Variants in NALF1 observed in about 807,000 individuals in gnomAD.
The protein encoded by NALF1 is family with sequence similarity 155 member A.
Under a neutral mutation model 48.4 loss-of-function variants are expected in NALF1, and 3 were observed. The observed-to-expected ratio is 0.06, with a 90% CI of 0.03 to 0.16. The LOEUF is 0.16. NALF1 is among the 10% of genes least tolerant of loss of function. The pLI is 1.00. For synonymous variants in NALF1, 262 were observed against 245.7 expected (o/e 1.07, Z -0.62); for missense variants, 526 against 571.5 (o/e 0.92, Z 0.81).
At position 107,815,162 on chromosome 13, in the gene NALF1, C is replaced by T. The variant is rs1306082088; in HGVS notation, c.915+50520G>A. On this transcript the variant is annotated intron_variant, in intron 1 of 2. Transcript: ENST00000375915. ...AATAAAAAAAAGATACATTTGATTT[C>T]ATCAAAATTAAAAACTTTTGTACTT... Among the ~76,000 whole-genome samples the T allele has an allele frequency of 6.6e-5, 10 of 152,048 alleles. No individual in the cohort carries two copies. In the South Asian group the frequency reaches 2.1e-3, roughly 31 times the overall value.
chr13:107,185,815 CA>C (rs1879159059), intron 2 of NALF1, among the ~76,000 whole-genome samples: 1 of 152,120 alleles, frequency 6.6e-6, no homozygotes, highest in Non-Finnish European at 1.5e-5. Context: ...TCACTATAAG[CA>C]GCAAGAATCA....
chr13:107,505,589 G>A (rs1353856492), intron 1 of NALF1, among the ~76,000 whole-genome samples: 1 of 152,136 alleles, frequency 6.6e-6, no homozygotes, highest in Non-Finnish European at 1.5e-5. Context: ...TGCAATGCGT[G>A]GCCTGACAAC....
At chr13:107,665,151 CA>C (rs1183540193) in intron 1 of NALF1, among the ~76,000 whole-genome samples, 1 of 152,036 alleles carries the variant, frequency 6.6e-6, no homozygotes, top group Non-Finnish European at 1.5e-5. Flanking sequence ...TGTCTGTACT[CA>C]AGATTAATTT....
chr13:107,481,321 T>C (rs914621600), intron 1 of NALF1, among the ~76,000 whole-genome samples: 1 of 152,192 alleles, frequency 6.6e-6, no homozygotes, highest in African/African-American at 2.4e-5. Flanking sequence ...ATAAATGACA[T>C]ACTATCTTGA....
At chr13:107,442,260 A>C (rs16970116) in intron 1 of NALF1, among the ~76,000 whole-genome samples, 1 of 152,224 alleles carries the variant, frequency 6.6e-6, no homozygotes, top group Non-Finnish European at 1.5e-5. Context: ...TTTAGGTCTC[A>C]GTAAGAACAA....
intron 1 of NALF1, among the ~76,000 whole-genome samples, chr13:107,287,720 T>C: frequency 6.7e-6 from 1 of 150,070 alleles, no homozygotes; most frequent in Non-Finnish European, 1.5e-5. Flanking sequence ...TTTTTTTTTT[T>C]TTTGAGACAG....
chr13:107,779,934 T>C (rs959475406), intron 1 of NALF1, among the ~76,000 whole-genome samples: 6 of 152,186 alleles, frequency 3.9e-5, no homozygotes, highest in Admixed American at 1.3e-4. Flanking sequence ...TCTTAAGCCA[T>C]TTGGAAAACA....
At position 107,163,969 on chromosome 13, in the gene NALF1, T is replaced by C. The variant is rs1405145702; in HGVS notation, c.*6528A>G. 1 of 152,198 alleles carries C rather than the reference T, an allele frequency of 6.6e-6. No individual in the cohort carries two copies. The highest frequency in any genetic ancestry group is 1.5e-5 in the Non-Finnish European group (1 of 68,028). 9.4% of individuals were successfully genotyped at this position (152,198 alleles called of 1,614,324 possible). The stretch of plus-strand genomic sequence containing the variant: ...TTTAACTTTTGCTGTAGTTTATATT[T>C]CCTATTGTTTTATCCATTTTGCAGT... On this transcript the variant is annotated 3_prime_UTR_variant, in exon 3 of 3. Transcript: ENST00000375915.
intron 1 of NALF1, among the ~76,000 whole-genome samples, chr13:107,470,111 T>C (rs1246073547): frequency 6.6e-6 from 1 of 152,150 alleles, no homozygotes; most frequent in Non-Finnish European, 1.5e-5. Context: ...ATATTTATAA[T>C]TGAATCTCAC....
chr13:107,253,699 TCCAG>T (rs1179931340), intron 1 of NALF1, among the ~76,000 whole-genome samples: 1 of 152,208 alleles, frequency 6.6e-6, no homozygotes, highest in African/African-American at 2.4e-5. Context: ...TATTTGTTTC[TCCAG>T]CCACACGGGT....
chr13:107,474,270 C>A (rs1434831368), intron 1 of NALF1, among the ~76,000 whole-genome samples: 1 of 152,098 alleles, frequency 6.6e-6, no homozygotes, highest in African/African-American at 2.4e-5. Flanking sequence ...ATGTTACAGC[C>A]AAATACTAAA....
intron 1 of NALF1, among the ~76,000 whole-genome samples, chr13:107,658,705 G>A (rs1349649701): frequency 2.0e-5 from 3 of 151,676 alleles, no homozygotes; most frequent in Non-Finnish European, 2.9e-5. Flanking sequence ...CCTCACTCCC[G>A]CTCCACTATT....
intron 1 of NALF1, among the ~76,000 whole-genome samples, chr13:107,770,993 G>A (rs894394889): frequency 6.6e-6 from 1 of 152,126 alleles, no homozygotes; most frequent in African/African-American, 2.4e-5. Context: ...GAGCCTGGGT[G>A]TAGCTCCTTA....
intron 1 of NALF1, among the ~76,000 whole-genome samples, chr13:107,449,859 CAG>C (rs778747846): frequency 2.0e-5 from 3 of 152,106 alleles, no homozygotes; most frequent in African/African-American, 4.8e-5. Flanking sequence ...GTTAAGGAAA[CAG>C]AGTCACACAG....
At chr13:107,462,732 C>CA (rs1346902225) in intron 1 of NALF1, among the ~76,000 whole-genome samples, 1 of 152,198 alleles carries the variant, frequency 6.6e-6, no homozygotes, top group African/African-American at 2.4e-5. Context: ...GGTGAGCTTC[C>CA]TTGGCAGCTA....
intron 1 of NALF1, among the ~76,000 whole-genome samples, chr13:107,340,285 T>C (rs2138933418): frequency 6.6e-6 from 1 of 151,552 alleles, no homozygotes; most frequent in Non-Finnish European, 1.5e-5. Context: ...AGATTACAGG[T>C]GCCCACCAAC....
chr13:107,336,484 T>C (rs1882559504), intron 1 of NALF1, among the ~76,000 whole-genome samples: 1 of 152,118 alleles, frequency 6.6e-6, no homozygotes, highest in African/African-American at 2.4e-5. Flanking sequence ...CTATATTTAT[T>C]TGTTGATTGC....
intron 1 of NALF1, among the ~76,000 whole-genome samples, chr13:107,231,820 C>T (rs944978650): frequency 1.3e-5 from 2 of 152,160 alleles, no homozygotes; most frequent in African/African-American, 4.8e-5. Flanking sequence ...ATGCTAGTTG[C>T]CCTTTAGAAA....
chr13:107,365,847 G>A (rs540679995), intron 1 of NALF1, among the ~76,000 whole-genome samples: 5 of 152,184 alleles, frequency 3.3e-5, no homozygotes, highest in South Asian at 2.1e-4. Flanking sequence ...GCCTACTCCC[G>A]TTCACTATGC....
Sources: allele counts gnomAD v4.1 joint callset (sites outside exome capture counted in the v4.1 genomes callset), GRCh38; gene constraint gnomAD v4.1.1; transcripts MANE v1.5; gene names NCBI Gene and HGNC (gene_info 2026-07-23, HGNC 2026-07-21).